GAB2: variants seen among roughly 807,000 people sequenced by gnomAD.
GAB2 encodes the protein GRB2-associated-binding protein 2.
A neutral mutation model predicts 65.5 loss-of-function variants in GAB2; 26 were observed. The ratio of observed to expected loss-of-function variants is 0.40; its 90% CI spans 0.29 to 0.55. The LOEUF is 0.55. Ranked by LOEUF, GAB2 falls within the 20% of genes least tolerant of loss-of-function variation. The pLI, the probability that GAB2 is intolerant of heterozygous loss-of-function variation, is 0.53. For missense variants in GAB2, 884 were observed against 875.8 expected (o/e 1.01, Z -0.12); for synonymous variants, 321 against 329.6 (o/e 0.97, Z 0.28).
chr11:78,341,242 C>T (rs771471115), intron 1 of GAB2, among the ~76,000 whole-genome samples: 1 of 152,140 alleles, frequency 6.6e-6, no homozygotes, highest in African/African-American at 2.4e-5. Flanking sequence ...TATTGAATGC[C>T]TATTATGTGT....
At chr11:78,382,942 A>G (rs1171700746) in intron 1 of GAB2, among the ~76,000 whole-genome samples, 1 of 152,248 alleles carries the variant, frequency 6.6e-6, no homozygotes, top group Non-Finnish European at 1.5e-5. Flanking sequence ...AACGTTTCTC[A>G]GAAAACACAT....
intron 1 of GAB2, among the ~76,000 whole-genome samples, chr11:78,369,015 G>A (rs992759925): frequency 2.6e-5 from 4 of 151,880 alleles, no homozygotes; most frequent in Non-Finnish European, 5.9e-5. Context: ...GCATGTGCCT[G>A]TAGTCCCAGC....
chr11:78,241,831 GGA>G (rs972034514), intron 3 of GAB2, among the ~76,000 whole-genome samples: 1 of 152,164 alleles, frequency 6.6e-6, no homozygotes, highest in African/African-American at 2.4e-5. Context: ...AGATCTACAG[GGA>G]GAGACAGACT....
chr11:78,343,167 T>G (rs542184517), intron 1 of GAB2, among the ~76,000 whole-genome samples: 1 of 152,278 alleles, frequency 6.6e-6, no homozygotes, highest in Non-Finnish European at 1.5e-5. Flanking sequence ...TCTGAACAGT[T>G]TATCTATTTC....
chr11:78,236,683 C>T (rs757753191), intron 3 of GAB2, among the ~76,000 whole-genome samples: 2 of 152,094 alleles, frequency 1.3e-5, no homozygotes, highest in Non-Finnish European at 2.9e-5. Context: ...CAATGAAGTA[C>T]TGAGTTGTCA....
chr11:78,417,124 G>C (rs1857207579), intron 1 of GAB2, among the ~76,000 whole-genome samples: 1 of 152,178 alleles, frequency 6.6e-6, no homozygotes, highest in Non-Finnish European at 1.5e-5. Context: ...GACGCTGCCG[G>C]TGATGCAGCC....
intron 1 of GAB2, among the ~76,000 whole-genome samples, chr11:78,403,886 T>C (rs909663983): frequency 6.6e-6 from 1 of 152,204 alleles, no homozygotes; most frequent in Non-Finnish European, 1.5e-5. Flanking sequence ...CAAAGTCATA[T>C]ATGCTGGCAT....
At chr11:78,310,694 C>T (rs146469163) in intron 1 of GAB2, among the ~76,000 whole-genome samples, 101 of 152,212 alleles carry the variant, frequency 6.6e-4, no homozygotes, top group African/African-American at 2.2e-3. Context: ...AATCTCAGTT[C>T]ACCAAGGCGA....
intron 1 of GAB2, among the ~76,000 whole-genome samples, chr11:78,374,498 C>A (rs1010104593): frequency 1.3e-5 from 2 of 152,200 alleles, no homozygotes; most frequent in Non-Finnish European, 2.9e-5. Flanking sequence ...AATTCTGCTA[C>A]TGACTAGATA....
chr11:78,230,549 G>A (rs1247816247), intron 3 of GAB2, among the ~76,000 whole-genome samples: 2 of 152,234 alleles, frequency 1.3e-5, no homozygotes, highest in Non-Finnish European at 1.5e-5. Flanking sequence ...TCTGCCTTAT[G>A]TCAGTTATTC....
intron 1 of GAB2, among the ~76,000 whole-genome samples, chr11:78,296,548 A>G (rs1439054511): frequency 6.6e-6 from 1 of 152,182 alleles, no homozygotes; most frequent in Admixed American, 6.5e-5. Flanking sequence ...TAAACAGTGA[A>G]ATCACCAACA....
chr11:78,324,755 A>T (rs369295922), intron 1 of GAB2: 3 of 152,338 alleles, frequency 2.0e-5, no homozygotes, highest in African/African-American at 4.8e-5. Context: ...AGGTCTGATG[A>T]CAACCAAGTA....
intron 1 of GAB2, among the ~76,000 whole-genome samples, chr11:78,284,097 T>G (rs10899452): frequency 0.2 from 31,033 of 152,092 alleles, 3,445 homozygotes; most frequent in East Asian, 0.4. Context: ...TCCCATCTCA[T>G]TTACCAGCAC....
In GAB2 at chr11:78,328,867, C is replaced by T. The variant is rs1253490774; in HGVS notation, c.76-47966G>A. 3.3e-5 allele frequency among the ~76,000 whole-genome samples: 5 copies of T among 152,122 alleles called. No individual in the cohort carries two copies. In the East Asian group the frequency reaches 9.6e-4, roughly 29 times the overall value. ...TATAGTCTGATAGGAGCTTTAGTTA[C>T]ATTTTTGTCACATCTCAAAGAACAC... On this transcript the variant is annotated intron_variant, in intron 1 of 9. Coordinates refer to ENST00000361507, the MANE Select transcript of GAB2 (RefSeq NM_080491.3).
In GAB2 at chr11:78,335,189, G is replaced by A. The variant is rs974936302; in HGVS notation, c.76-54288C>T. Among the ~76,000 whole-genome samples, 4 of 152,146 alleles carry A rather than the reference G, an allele frequency of 2.6e-5. No individual in the cohort carries two copies. In the South Asian group the frequency reaches 6.2e-4, roughly 24 times the overall value. On this transcript the variant is annotated intron_variant, in intron 1 of 9. Transcript: ENST00000361507. ...GCAAATGTTTTCTCCCATTTTGTGGGTTGTCTCTTCATTTTAGGGATTGTC... is the reference window on the plus strand; with the variant it reads ...GCAAATGTTTTCTCCCATTTTGTGGATTGTCTCTTCATTTTAGGGATTGTC...
At chr11:78,300,078 C>A (rs974390727) in intron 1 of GAB2, among the ~76,000 whole-genome samples, 1 of 152,204 alleles carries the variant, frequency 6.6e-6, no homozygotes, top group Non-Finnish European at 1.5e-5. Context: ...ATTTCCATGA[C>A]CCCAAAGAGT....
At chr11:78,370,840 T>C (rs1856562925) in intron 1 of GAB2, among the ~76,000 whole-genome samples, 1 of 152,086 alleles carries the variant, frequency 6.6e-6, no homozygotes, top group Admixed American at 6.6e-5. Flanking sequence ...TGGTCAGTGA[T>C]GTCAACTGCC....
chr11:78,317,335 G>A (rs1855628186), intron 1 of GAB2, among the ~76,000 whole-genome samples: 1 of 152,138 alleles, frequency 6.6e-6, no homozygotes, highest in South Asian at 2.1e-4. Context: ...AGCCAAGGTG[G>A]ACAGATCGTA....
At chr11:78,372,191 T>C (rs1484635296) in intron 1 of GAB2, among the ~76,000 whole-genome samples, 1 of 152,164 alleles carries the variant, frequency 6.6e-6, no homozygotes, top group African/African-American at 2.4e-5. Flanking sequence ...CAAAATACCA[T>C]CCTCTATAAG....
Sources: allele counts gnomAD v4.1 joint callset (sites outside exome capture counted in the v4.1 genomes callset), GRCh38; gene constraint gnomAD v4.1.1; transcripts MANE v1.5; gene names NCBI Gene and HGNC (gene_info 2026-07-23, HGNC 2026-07-21).